DLGAP1: variants seen among roughly 807,000 people sequenced by gnomAD.
The protein encoded by DLGAP1 is DLG associated protein 1, also known as disks large-associated protein 1.
A neutral mutation model predicts 90.8 loss-of-function variants in DLGAP1; 11 were observed. The observed-to-expected ratio is 0.12, with a 90% CI of 0.08 to 0.20. The LOEUF is 0.20. Ranked by LOEUF, DLGAP1 falls within the 10% of genes least tolerant of loss-of-function variation. The probability of loss-of-function intolerance (pLI) is 1.00; values close to 1 mark genes in which losing one functional copy is unlikely to be tolerated. For missense variants in DLGAP1, 1,050 were observed against 1,333.8 expected (o/e 0.79, Z 3.31); for synonymous variants, 558 against 540.7 (o/e 1.03, Z -0.44).
chr18:3,687,396 T>G (rs2060739412), intron 7 of DLGAP1, among the ~76,000 whole-genome samples: 1 of 152,196 alleles, frequency 6.6e-6, no homozygotes, highest in South Asian at 2.1e-4. Context: ...TGTAAAAGAA[T>G]TAACGATAAT....
chr18:3,766,360 G>A (rs1885310171), intron 5 of DLGAP1, among the ~76,000 whole-genome samples: 1 of 152,060 alleles, frequency 6.6e-6, no homozygotes, highest in South Asian at 2.1e-4. Context: ...AGGAGAAATA[G>A]AAAAATTCAC....
chr18:3,902,774 G>A (rs1311529732), intron 3 of DLGAP1, among the ~76,000 whole-genome samples: 3 of 151,992 alleles, frequency 2.0e-5, no homozygotes, highest in Non-Finnish European at 4.4e-5. Context: ...ATCTTTCCAT[G>A]TGTATCAGCC....
intron 1 of DLGAP1, among the ~76,000 whole-genome samples, chr18:4,227,145 A>G (rs545355124): frequency 3.3e-5 from 5 of 152,122 alleles, no homozygotes; most frequent in African/African-American, 7.2e-5. Flanking sequence ...GGTCAATTCA[A>G]TAAGAGGATA....
At chr18:3,610,192 A>AT (rs906134524) in intron 7 of DLGAP1, among the ~76,000 whole-genome samples, 31 of 152,278 alleles carry the variant, frequency 2.0e-4, no homozygotes, top group African/African-American at 7.2e-4. Context: ...TCTTTGGCAT[A>AT]TTTTTGAGAT....
chr18:3,849,446 G>GAC (rs2069211343), intron 4 of DLGAP1, among the ~76,000 whole-genome samples: 1 of 152,132 alleles, frequency 6.6e-6, no homozygotes, highest in African/African-American at 2.4e-5. Flanking sequence ...TAAACACTTT[G>GAC]AGATCAAGGA....
intron 7 of DLGAP1, among the ~76,000 whole-genome samples, chr18:3,700,164 T>C (rs1180872659): frequency 6.6e-6 from 1 of 152,160 alleles, no homozygotes; most frequent in Non-Finnish European, 1.5e-5. Context: ...CAGGCACCAC[T>C]GGGGTATGAA....
chr18:4,215,063 T>C (rs2077924706), intron 1 of DLGAP1, among the ~76,000 whole-genome samples: 1 of 152,200 alleles, frequency 6.6e-6, no homozygotes, highest in Non-Finnish European at 1.5e-5. Flanking sequence ...AAATTTGTTC[T>C]CTTTATTCTC....
intron 7 of DLGAP1, among the ~76,000 whole-genome samples, chr18:3,700,979 C>T (rs533574267): frequency 1.3e-5 from 2 of 152,236 alleles, no homozygotes; most frequent in African/African-American, 2.4e-5. Flanking sequence ...CCTGGGCTTA[C>T]GTGATCCTCC....
chr18:4,318,785 C>T (rs1382396432), intron 1 of DLGAP1, among the ~76,000 whole-genome samples: 1 of 152,084 alleles, frequency 6.6e-6, no homozygotes, highest in Non-Finnish European at 1.5e-5. Context: ...CTTTTAGATC[C>T]AGGTACTGAA....
chr18:3,682,594 C>A (rs1598336101), intron 7 of DLGAP1, among the ~76,000 whole-genome samples: 1 of 152,274 alleles, frequency 6.6e-6, no homozygotes, highest in Non-Finnish European at 1.5e-5. Context: ...AGATTCAAGT[C>A]CTGACTCTCT....
intron 10 of DLGAP1, among the ~76,000 whole-genome samples, chr18:3,516,466 T>C (rs1266642136): frequency 6.6e-6 from 1 of 152,164 alleles, no homozygotes; most frequent in Non-Finnish European, 1.5e-5. Flanking sequence ...ATGGCAGATA[T>C]AGCCTTATGG....
intron 5 of DLGAP1, among the ~76,000 whole-genome samples, chr18:3,783,426 T>A (rs1281068822): frequency 6.6e-6 from 1 of 152,032 alleles, no homozygotes; most frequent in South Asian, 2.1e-4. Flanking sequence ...GATGAATAAA[T>A]AAAATGTGGG....
chr18:3,819,934 GAA>G (rs1243924014), intron 4 of DLGAP1, among the ~76,000 whole-genome samples: 12 of 152,198 alleles, frequency 7.9e-5, no homozygotes, highest in African/African-American at 2.9e-4. Flanking sequence ...CCCTTTGAAA[GAA>G]AAGTTACAAG....
intron 2 of DLGAP1, among the ~76,000 whole-genome samples, chr18:4,089,864 T>A (rs375720856): frequency 3.3e-5 from 5 of 152,186 alleles, no homozygotes; most frequent in Admixed American, 6.5e-5. Context: ...GCTAACACGG[T>A]GAAACCCCGT....
chr18:4,259,424 TAG>T (rs544470727), intron 1 of DLGAP1, among the ~76,000 whole-genome samples: 56 of 152,338 alleles, frequency 3.7e-4, no homozygotes, highest in African/African-American at 1.3e-3. Flanking sequence ...TACTCTGAGG[TAG>T]AGAAGGCACA....
chr18:4,031,285 G>C (rs1315250570), intron 2 of DLGAP1, among the ~76,000 whole-genome samples: 1 of 152,034 alleles, frequency 6.6e-6, no homozygotes, highest in Admixed American at 6.6e-5. Context: ...TGGAGTTTTA[G>C]CTGGTTAATC....
At chr18:3,920,352 C>CAAAA (rs34353326) in intron 3 of DLGAP1, among the ~76,000 whole-genome samples, 13 of 75,464 alleles carry the variant, frequency 1.7e-4, no homozygotes, top group South Asian at 1.1e-3. Flanking sequence ...AGACTCTGTC[C>CAAAA]AAAAAAAAAA....
intron 2 of DLGAP1, among the ~76,000 whole-genome samples, chr18:4,109,104 T>C (rs1211891811): frequency 6.6e-6 from 1 of 152,100 alleles, no homozygotes; most frequent in African/African-American, 2.4e-5. Context: ...GATTATATTG[T>C]GGGAAGGATG....
At chr18:3,707,043 A>G (rs921639250) in intron 7 of DLGAP1, among the ~76,000 whole-genome samples, 1 of 152,232 alleles carries the variant, frequency 6.6e-6, no homozygotes, top group Non-Finnish European at 1.5e-5. Flanking sequence ...TGTGGGTTAC[A>G]TGGAGAATAT....
Sources: gnomAD v4.1 joint callset for allele counts (sites outside exome capture counted in the v4.1 genomes callset) on GRCh38, gnomAD v4.1.1 for gene constraint, MANE v1.5 for transcripts, NCBI Gene and HGNC (gene_info 2026-07-23, HGNC 2026-07-21) for gene names.